ABR: variants seen among roughly 807,000 people sequenced by gnomAD.
ABR encodes ABR activator of RhoGEF and GTPase.
A neutral mutation model predicts 107.2 loss-of-function variants in ABR; 35 were observed. That is an observed-to-expected ratio of 0.33 (90% CI 0.25 to 0.43). The LOEUF (loss-of-function observed/expected upper bound fraction) is 0.43, where lower values mean the gene tolerates loss of function less well. Ranked by LOEUF, ABR falls within the 20% of genes least tolerant of loss-of-function variation. The pLI, the probability that ABR is intolerant of heterozygous loss-of-function variation, is 1.00. For synonymous variants in ABR, 498 were observed against 462.0 expected, an observed-to-expected ratio of 1.08 and a Z score of -1.00; for missense variants, 815 against 1,115.2, an observed-to-expected ratio of 0.73 and a Z score of 3.83.
intron 16 of ABR, among the ~76,000 whole-genome samples, chr17:1,021,779 C>G (rs1480825555): frequency 1.3e-5 from 2 of 149,652 alleles, no homozygotes; most frequent in Non-Finnish European, 3.0e-5. Context: ...CACTGCACTC[C>G]AGCCTGGCGG....
intron 3 of ABR, among the ~76,000 whole-genome samples, chr17:1,096,658 C>A (rs946903066): frequency 6.6e-6 from 1 of 152,126 alleles, no homozygotes; most frequent in African/African-American, 2.4e-5. Flanking sequence ...AAGCAGGGGC[C>A]CAGGAGGAGA....
At chr17:1,186,463 C>T (rs1191183020) in intron 1 of ABR, among the ~76,000 whole-genome samples, 2 of 152,250 alleles carry the variant, frequency 1.3e-5, no homozygotes, top group African/African-American at 4.8e-5. Flanking sequence ...TCACTGCCTC[C>T]CTAGGCATCA....
In ABR at chr17:1,229,260, C is replaced by T. The variant is rs112210115; in HGVS notation, c.371G>A (p.Arg124Gln). ...CCGCAGCTGGGGCTGCAGGAGCTGC[C>T]GGTGGACGGCGTCGGCCCAGCTCCT... is the stretch of plus-strand genomic sequence containing the variant. Residue 124 changes from arginine to glutamine, a missense_variant, in exon 1 of 23, where the codon CGG (arginine) becomes CAG (glutamine). Arg to Gln is a conservative substitution (Grantham distance 43, BLOSUM62 1). Transcript: ENST00000574139. Among the ~76,000 whole-genome samples the T allele has an allele frequency of 0.17, 25,624 of 151,540 alleles. 6,438 individuals carry two copies. Among genetic ancestry groups the T allele is most frequent in the African/African-American group, 0.54 (22,540 of 41,364 alleles).
chr17:1,217,075 C>T (rs1313603619), intron 1 of ABR, among the ~76,000 whole-genome samples: 2 of 152,154 alleles, frequency 1.3e-5, no homozygotes, highest in Non-Finnish European at 2.9e-5. Flanking sequence ...CGGCGGCTTT[C>T]CCTGCTGTCA....
chr17:1,146,482 G>A (rs972541569), intron 1 of ABR, among the ~76,000 whole-genome samples: 10 of 152,154 alleles, frequency 6.6e-5, no homozygotes, highest in Admixed American at 2.6e-4. Flanking sequence ...ATGAGATGAC[G>A]TCTGTAAACA....
Position 1,005,620 on chromosome 17 carries a change from A to T in ABR, c.*460T>A. 1 of 198,974 alleles carries T rather than the reference A, an allele frequency of 5.0e-6. No individual in the cohort carries two copies. The highest frequency in any genetic ancestry group is 1.0e-4 in the South Asian group (1 of 9,732). The allele number at this position is 198,974 out of a possible 1,614,324, so 12.3% of individuals were successfully genotyped here. On this transcript the variant is annotated 3_prime_UTR_variant, in exon 23 of 23. Coordinates refer to ENST00000302538, the MANE Select transcript of ABR (RefSeq NM_021962.5). ...GAGCGGGTGGAGGAAGACTGAGGGG[A>T]GGCTGCCAGGAGACCGCCATCTGGG...
intron 6 of ABR, among the ~76,000 whole-genome samples, chr17:1,076,714 C>CGGGGGG (rs376868048): frequency 5.0e-4 from 21 of 42,144 alleles, no homozygotes; most frequent in African/African-American, 2.4e-3. Context: ...GGCAGGTGCA[C>CGGGGGG]GGGGGGGGTG....
At chr17:1,153,273 G>A (rs537425653) in intron 1 of ABR, among the ~76,000 whole-genome samples, 1 of 151,220 alleles carries the variant, frequency 6.6e-6, no homozygotes, top group South Asian at 2.1e-4. Context: ...TGGGCCTGGC[G>A]TGGCCCCCTG....
intron 16 of ABR, chr17:1,031,924 T>C (rs1421277094): frequency 2.8e-5 from 23 of 824,150 alleles, no homozygotes; most frequent in East Asian, 5.3e-5. Context: ...TCCTCCCTCC[T>C]CCGCATCCCT....
chr17:1,041,689 C>T (rs746068428), intron 16 of ABR, among the ~76,000 whole-genome samples: 43 of 152,144 alleles, frequency 2.8e-4, no homozygotes, highest in Non-Finnish European at 5.3e-4. Flanking sequence ...GCCAAGACTG[C>T]GCCATTACAC....
intron 20 of ABR, 179 bp from the exon 21 acceptor site, chr17:1,009,963 G>A: frequency 1.6e-6 from 1 of 614,544 alleles, no homozygotes. Flanking sequence ...CTTCCTCCAG[G>A]AGGCCCCACC....
intron 1 of ABR, among the ~76,000 whole-genome samples, chr17:1,196,771 CG>C (rs1567883976): frequency 6.6e-6 from 1 of 150,804 alleles, no homozygotes; most frequent in Non-Finnish European, 1.5e-5. Context: ...CCTGGCTCAC[CG>C]CAAGCTCCGC....
At chr17:1,171,765 C>G (rs1488022319) in intron 1 of ABR, among the ~76,000 whole-genome samples, 1 of 152,176 alleles carries the variant, frequency 6.6e-6, no homozygotes, top group Non-Finnish European at 1.5e-5. Context: ...AATCCCTTCT[C>G]TACTAAAAAT....
chr17:1,198,149 C>T (rs1394639238), intron 1 of ABR, among the ~76,000 whole-genome samples: 1 of 151,684 alleles, frequency 6.6e-6, no homozygotes, highest in Non-Finnish European at 1.5e-5. Context: ...AGAGAAGCCT[C>T]CCAGTCTCTG....
chr17:1,159,141 A>AC (rs1236446884), intron 1 of ABR, among the ~76,000 whole-genome samples: 3 of 152,264 alleles, frequency 2.0e-5, no homozygotes, highest in Admixed American at 2.0e-4. Flanking sequence ...CTACTGTCTT[A>AC]GTCATGGAAC....
At chr17:1,075,870 C>G (rs552996373) in intron 6 of ABR, among the ~76,000 whole-genome samples, 1 of 152,156 alleles carries the variant, frequency 6.6e-6, no homozygotes, top group East Asian at 1.9e-4. Context: ...GGTGAAACCC[C>G]ATCTCTACTA....
chr17:1,172,111 A>G (rs769433473), intron 1 of ABR, among the ~76,000 whole-genome samples: 1 of 152,208 alleles, frequency 6.6e-6, no homozygotes, highest in East Asian at 1.9e-4. Context: ...CAGGAGGAGG[A>G]CACAGGATAA....
At chr17:1,076,232 T>C (rs1039164539) in intron 6 of ABR, among the ~76,000 whole-genome samples, 6 of 152,142 alleles carry the variant, frequency 3.9e-5, no homozygotes, top group Non-Finnish European at 8.8e-5. Flanking sequence ...TCATATGACA[T>C]ATCTGTAGCC....
Position 1,050,191 on chromosome 17 carries a change from G to C in ABR, c.1660-10C>G. 1 of 1,610,502 alleles carries C rather than the reference G, an allele frequency of 6.2e-7. No individual in the cohort carries two copies. The highest frequency in any genetic ancestry group is 8.5e-7 in the Non-Finnish European group (1 of 1,179,030). On this transcript the variant is annotated splice_polypyrimidine_tract_variant and intron_variant, in intron 15 of 22. Coordinates refer to ENST00000302538, the MANE Select transcript of ABR (RefSeq NM_021962.5). The surrounding 1 kb of genome is among the most constrained non-coding windows in gnomAD (Gnocchi z 4.6). ...GCTCGATCTCAAACTCCTGGGGAAA[G>C]ATGGGACAAAGGGCCCTGAACCTCC...
Sources: gnomAD v4.1 joint callset for allele counts (sites outside exome capture counted in the v4.1 genomes callset) on GRCh38, gnomAD v4.1.1 for gene constraint, Gnocchi (gnomAD v3.1) non-coding constraint, MANE v1.5 for transcripts, NCBI Gene and HGNC (gene_info 2026-07-23, HGNC 2026-07-21) for gene names.